NEBL: variants seen among roughly 807,000 people sequenced by gnomAD.
The protein encoded by NEBL is nebulette, also known as LIM and SH3 protein 2.
Under a neutral mutation model 140.2 loss-of-function variants are expected in NEBL, and 122 were observed. That is an observed-to-expected ratio of 0.87 (90% confidence interval 0.75 to 1.01). The LOEUF (loss-of-function observed/expected upper bound fraction) is 1.01, where lower values mean the gene tolerates loss of function less well. Ranked by LOEUF, NEBL falls within the 50% of genes least tolerant of loss-of-function variation. The probability of loss-of-function intolerance (pLI) is 0.00; values close to 1 mark genes in which losing one functional copy is unlikely to be tolerated. For missense variants in NEBL, 1,365 were observed against 1,231.3 expected (o/e 1.11, Z -1.62); for synonymous variants, 436 against 398.9 (o/e 1.09, Z -1.11).
chr10:21,087,754 C>T (rs951638333), intron 2 of NEBL, among the ~76,000 whole-genome samples: 4 of 152,060 alleles, frequency 2.6e-5, no homozygotes, highest in African/African-American at 7.2e-5. Context: ...AGTTTGCAGC[C>T]CTGACCTCGG....
intron 1 of NEBL, among the ~76,000 whole-genome samples, chr10:21,288,828 A>ATATATATATATATG (rs1247754613): frequency 5.0e-5 from 4 of 80,746 alleles, no homozygotes; most frequent in Non-Finnish European, 9.0e-5. Context: ...GTGTATATAT[A>ATATATATATATATG]TATATATATA....
At position 20,931,937 on chromosome 10, in the gene NEBL, G is replaced by C. The variant is rs532136698; in HGVS notation, c.357+29735C>G. On this transcript the variant is annotated intron_variant, in intron 4 of 6. Coordinates refer to the NEBL transcript ENST00000417816. Reference sequence around the variant, plus strand: ...TACACAAATTATTTTATTACTAACAGCATATTCTTTCATGTATTCCTTCCC... The same window carrying C: ...TACACAAATTATTTTATTACTAACACCATATTCTTTCATGTATTCCTTCCC... 1.3e-4 allele frequency among the ~76,000 whole-genome samples: 20 copies of C among 152,272 alleles called. No homozygotes were observed. The East Asian group carries it at 3.5e-3, about 26-fold the overall frequency.
At chr10:20,806,254 C>G (rs1362387262) in intron 26 of NEBL, among the ~76,000 whole-genome samples, 1 of 151,360 alleles carries the variant, frequency 6.6e-6, no homozygotes, top group Non-Finnish European at 1.5e-5. Context: ...GGCATCCAAG[C>G]AGAGGCCCTC....
chr10:21,130,049 G>A (rs527398968), intron 2 of NEBL, among the ~76,000 whole-genome samples: 13 of 151,954 alleles, frequency 8.6e-5, no homozygotes, highest in Admixed American at 5.3e-4. Context: ...GTAAATGAAC[G>A]GAGAAAAAGA....
At chr10:20,944,243 T>C (rs370051745) in intron 4 of NEBL, among the ~76,000 whole-genome samples, 68 of 151,998 alleles carry the variant, frequency 4.5e-4, no homozygotes, top group African/African-American at 1.5e-3. Flanking sequence ...CTACTATAAG[T>C]ACAAAAATTA....
intron 3 of NEBL, among the ~76,000 whole-genome samples, chr10:20,983,051 TG>T (rs1837118821): frequency 6.6e-6 from 1 of 152,160 alleles, no homozygotes; most frequent in African/African-American, 2.4e-5. Flanking sequence ...CCCTAACCCT[TG>T]GGAACCGAAG....
chr10:21,244,187 AC>A (rs905663798), intron 3 of NEBL, among the ~76,000 whole-genome samples: 30 of 151,772 alleles, frequency 2.0e-4, no homozygotes, highest in Middle Eastern at 3.4e-3. Flanking sequence ...TTGTTTTTTG[AC>A]AGTCTTACTC....
intron 2 of NEBL, among the ~76,000 whole-genome samples, chr10:21,136,923 G>A (rs568259429): frequency 1.3e-5 from 2 of 152,316 alleles, no homozygotes; most frequent in East Asian, 3.9e-4. Context: ...AGAATTAATG[G>A]ACATCTAGAG....
At chr10:20,885,938 G>C (rs905413983) in intron 4 of NEBL, among the ~76,000 whole-genome samples, 1 of 152,170 alleles carries the variant, frequency 6.6e-6, no homozygotes, top group African/African-American at 2.4e-5. Context: ...TTACTGCCAA[G>C]TCAGGTACAC....
At chr10:21,192,001 T>C (rs1841581745) in intron 3 of NEBL, among the ~76,000 whole-genome samples, 1 of 152,164 alleles carries the variant, frequency 6.6e-6, no homozygotes, top group African/African-American at 2.4e-5. Flanking sequence ...TATTGATTGC[T>C]CTTCTCAAAG....
chr10:21,250,044 C>T (rs1297168885), intron 2 of NEBL, among the ~76,000 whole-genome samples: 2 of 151,672 alleles, frequency 1.3e-5, no homozygotes, highest in Non-Finnish European at 2.9e-5. Context: ...AGCCTGGTGA[C>T]AGAGCAAAAC....
intron 2 of NEBL, among the ~76,000 whole-genome samples, chr10:21,148,568 C>T (rs550564535): frequency 9.9e-5 from 15 of 152,198 alleles, no homozygotes; most frequent in African/African-American, 2.4e-4. Context: ...ACTCTGTTGC[C>T]GGGCTGGAGT....
In NEBL at chr10:20,833,018, C is replaced by T. The variant is rs140343003; in HGVS notation, c.1450-1435G>A. Reference sequence around the variant, plus strand: ...ATGAAACTGAGGCACTGATAACAGACAGCCACCAAGGTCTGATGGTAAAAG... The same window carrying T: ...ATGAAACTGAGGCACTGATAACAGATAGCCACCAAGGTCTGATGGTAAAAG... On this transcript the variant is annotated intron_variant, in intron 14 of 27. Transcript: ENST00000377122. Among the ~76,000 whole-genome samples, 568 of 152,302 alleles carry T rather than the reference C, an allele frequency of 3.7e-3. 7 individuals are homozygous for T. The highest frequency in any genetic ancestry group is 0.013 in the African/African-American group (529 of 41,556).
rs763778231 is a variant in NEBL at position 20,819,452 on chromosome 10, ACT to A, written c.2025_2026del (p.Arg675SerfsTer14). On this transcript the variant is annotated frameshift_variant, in exon 20 of 28. Transcript: ENST00000377122. LOFTEE classifies it high-confidence loss of function. ...ACTCAGCTGCTCCTGGTTTCGCCTC[ACT>A]CTCTCTATCTCCGGGGTCATGCTTA... 2 of 1,613,686 alleles carry A rather than the reference ACT, an allele frequency of 1.2e-6. No homozygotes were observed. The highest frequency in any genetic ancestry group is 1.7e-5 in the Admixed American group (1 of 59,956).
chr10:20,850,261 G>C, intron 11 of NEBL, 134 bp downstream of exon 11: 1 of 715,008 alleles, frequency 1.4e-6, no homozygotes. Flanking sequence ...TGGGTGGCTG[G>C]GTCTAGAAAG....
At chr10:20,869,718 A>C in intron 6 of NEBL, 22 bp downstream of exon 6, 1 of 1,514,782 alleles carries the variant, frequency 6.6e-7, no homozygotes, top group Non-Finnish European at 9.2e-7. Context: ...ATTTCCGTTC[A>C]AGGTTTAGAA....
chr10:20,920,275 C>A (rs577943401), intron 4 of NEBL, among the ~76,000 whole-genome samples: 1 of 152,156 alleles, frequency 6.6e-6, no homozygotes, highest in Non-Finnish European at 1.5e-5. Flanking sequence ...CACTTTTTAA[C>A]CCATCAGTCA....
chr10:21,250,648 C>T (rs188674942), intron 2 of NEBL, among the ~76,000 whole-genome samples: 39 of 151,862 alleles, frequency 2.6e-4, no homozygotes, highest in Non-Finnish European at 2.5e-4. Context: ...CGGTGGTTCA[C>T]GCCTGTAATC....
intron 12 of NEBL, among the ~76,000 whole-genome samples, chr10:20,844,021 C>G (rs1841649674): frequency 6.6e-6 from 1 of 152,072 alleles, no homozygotes; most frequent in South Asian, 2.1e-4. Flanking sequence ...TAGGAAGTTG[C>G]CATTTGCTTA....
Sources: gnomAD v4.1 joint callset for allele counts (sites outside exome capture counted in the v4.1 genomes callset) on GRCh38, gnomAD v4.1.1 for gene constraint, MANE v1.5 for transcripts, NCBI Gene and HGNC (gene_info 2026-07-23, HGNC 2026-07-21) for gene names.